LTBP1: variants seen among roughly 807,000 people sequenced by gnomAD.
The protein encoded by LTBP1 is latent transforming growth factor beta binding protein 1.
In LTBP1, 129 loss-of-function variants were observed where a neutral mutation model predicts 207.6. The ratio of observed to expected loss-of-function variants is 0.62; its 90% confidence interval spans 0.54 to 0.72. The LOEUF (loss-of-function observed/expected upper bound fraction) is 0.72, where lower values mean the gene tolerates loss of function less well. LTBP1 is among the 30% of genes least tolerant of loss of function. LTBP1 has a pLI of 0.00. For missense variants in LTBP1, 2,281 were observed against 2,217.2 expected (o/e 1.03, Z -0.58); for synonymous variants, 963 against 833.7 (o/e 1.16, Z -2.67).
At chr2:33,346,933 G>T (rs1289868460) in intron 25 of LTBP1, among the ~76,000 whole-genome samples, 2 of 151,912 alleles carry the variant, frequency 1.3e-5, no homozygotes, top group Non-Finnish European at 2.9e-5. Context: ...TGCCTAACAC[G>T]GTGGAACCCC....
chr2:33,179,084 G>T (rs2086359701), intron 5 of LTBP1, among the ~76,000 whole-genome samples: 1 of 152,128 alleles, frequency 6.6e-6, no homozygotes, highest in Non-Finnish European at 1.5e-5. Flanking sequence ...TCACCTCTTT[G>T]TCTAGAGCAA....
At chr2:33,264,542 T>C (rs1328659418) in intron 15 of LTBP1, among the ~76,000 whole-genome samples, 1 of 152,048 alleles carries the variant, frequency 6.6e-6, no homozygotes, top group African/African-American at 2.4e-5. Flanking sequence ...TATAAATCAA[T>C]AGGAAAAATA....
chr2:33,158,464 A>G (rs1401558511), intron 5 of LTBP1, among the ~76,000 whole-genome samples: 13 of 152,126 alleles, frequency 8.5e-5, no homozygotes, highest in Non-Finnish European at 2.9e-5. Context: ...GTTCTGTGCC[A>G]CTTTTTGGAA....
chr2:33,095,372 A>G (rs1289748957), intron 3 of LTBP1, among the ~76,000 whole-genome samples: 1 of 152,222 alleles, frequency 6.6e-6, no homozygotes, highest in South Asian at 2.1e-4. Context: ...GGGAGACTCC[A>G]AAGTTCCTAG....
At chr2:33,010,882 G>A (rs1687588867) in intron 2 of LTBP1, among the ~76,000 whole-genome samples, 1 of 151,858 alleles carries the variant, frequency 6.6e-6, no homozygotes, top group South Asian at 2.1e-4. Context: ...ACCACACCCA[G>A]CTAATTTTTG....
At chr2:33,394,639 G>T (rs1423845828) in intron 32 of LTBP1, among the ~76,000 whole-genome samples, 1 of 152,064 alleles carries the variant, frequency 6.6e-6, no homozygotes, top group Non-Finnish European at 1.5e-5. Context: ...ATTTCTGAGG[G>T]CTCTGTTCCG....
intron 5 of LTBP1, among the ~76,000 whole-genome samples, chr2:33,163,919 T>G (rs1407171814): frequency 6.6e-6 from 1 of 152,182 alleles, no homozygotes; most frequent in Admixed American, 6.5e-5. Context: ...TTTATCATAG[T>G]GCTCTATCCA....
At chr2:33,352,363 C>G (rs1284819310) in intron 26 of LTBP1, among the ~76,000 whole-genome samples, 1 of 152,100 alleles carries the variant, frequency 6.6e-6, no homozygotes, top group Non-Finnish European at 1.5e-5. Context: ...AACTCCTGAC[C>G]TTGTGATCCA....
intron 2 of LTBP1, among the ~76,000 whole-genome samples, chr2:32,953,108 C>T (rs1677440404): frequency 6.6e-6 from 1 of 152,222 alleles, no homozygotes; most frequent in African/African-American, 2.4e-5. Flanking sequence ...TTTCCATTGG[C>T]ATTCAGCCCA....
At chr2:32,968,917 A>ATT (rs61065758) in intron 2 of LTBP1, among the ~76,000 whole-genome samples, 8,496 of 107,268 alleles carry the variant, frequency 0.079, 636 homozygotes, top group African/African-American at 0.16. Context: ...GTGTGTGTGT[A>ATT]TTTTTTTTTT....
rs1051586399 is a variant in LTBP1, at chr2:33,252,717, C to T, written c.2040C>T (p.Tyr680=). 8.1e-6 allele frequency: 13 copies of T among 1,613,402 alleles called. No individual in the cohort carries two copies. Among genetic ancestry groups the T allele is most frequent in the African/African-American group, 1.3e-5 (1 of 74,908 alleles). ...PVISEEKGPC[Y]RLVSSGRQCM... is the part of the protein sequence containing the mutation. ...TCTCGGAAGAGAAAGGGCCCTGTTA[C>T]CGACTTGTCAGTTCTGGAAGACAGT... Residue 680 remains tyrosine (Y), a synonymous_variant, in exon 11 of 34, where the codon TAC becomes TAT. Coordinates refer to ENST00000404816, the MANE Select transcript of LTBP1 (RefSeq NM_206943.4).
chr2:33,296,019 T>C (rs891183614), intron 20 of LTBP1, among the ~76,000 whole-genome samples: 1 of 152,144 alleles, frequency 6.6e-6, no homozygotes. Flanking sequence ...TTGGCTCACA[T>C]CCACAGTTTC....
chr2:33,246,252 A>G (rs142205710), intron 10 of LTBP1, among the ~76,000 whole-genome samples: 2 of 152,268 alleles, frequency 1.3e-5, no homozygotes, highest in East Asian at 3.9e-4. Flanking sequence ...ACCACATGTA[A>G]CATCACAGAG....
intron 2 of LTBP1, among the ~76,000 whole-genome samples, chr2:32,958,539 C>T (rs219436): frequency 0.72 from 109,868 of 152,090 alleles, 40,535 homozygotes; most frequent in Non-Finnish European, 0.79. Context: ...CCTTCATCAG[C>T]GTTGAGCTCC....
intron 2 of LTBP1, among the ~76,000 whole-genome samples, chr2:32,967,373 G>T (rs1358152809): frequency 6.6e-6 from 1 of 151,628 alleles, no homozygotes; most frequent in Non-Finnish European, 1.5e-5. Flanking sequence ...GATTTAATTT[G>T]CTGCTCTTTT....
At chr2:33,039,990 A>G (rs1573245623) in intron 3 of LTBP1, among the ~76,000 whole-genome samples, 1 of 152,134 alleles carries the variant, frequency 6.6e-6, no homozygotes, top group African/African-American at 2.4e-5. Flanking sequence ...GGGAGGAATC[A>G]AGGAGCAGCC....
chr2:33,188,444 A>AAAAAAAAAAAATTTT, intron 6 of LTBP1, 133 bp from the exon 7 acceptor site: 2 of 609,942 alleles, frequency 3.3e-6, no homozygotes, highest in East Asian at 3.0e-5. Context: ...AAAAAAAAAA[A>AAAAAAAAAAAATTTT]GAATTTTGAT....
At chr2:32,975,948 T>G (rs751590333) in intron 2 of LTBP1, among the ~76,000 whole-genome samples, 5 of 152,178 alleles carry the variant, frequency 3.3e-5, no homozygotes, top group Non-Finnish European at 7.3e-5. Flanking sequence ...GGGGAACTTG[T>G]GTGGTTGTTT....
Position 33,134,792 on chromosome 2 carries a change from G to T in LTBP1, c.1034-1G>T, listed in dbSNP as rs754134480. On this transcript the variant is annotated splice_acceptor_variant, in intron 4 of 33. Coordinates refer to ENST00000404816, the MANE Select transcript of LTBP1 (RefSeq NM_206943.4). LOFTEE classifies it high-confidence loss of function. This position sits in a 1 kb window ranked among gnomAD's most constrained non-coding sequence, Gnocchi z 4.4. ...CTTTTTCTCCCTGCCTCCGCTCCTA[G>T]TGAGTAACCACACTGGCCGCATCAA... is the stretch of plus-strand genomic sequence containing the variant. 4 of 1,613,840 alleles carry T rather than the reference G, an allele frequency of 2.5e-6. No individual in the cohort carries two copies. In the African/African-American group the frequency reaches 4.0e-5, roughly 16 times the overall value.
Sources: gnomAD v4.1 joint callset for allele counts (sites outside exome capture counted in the v4.1 genomes callset) on GRCh38, gnomAD v4.1.1 for gene constraint, Gnocchi (gnomAD v3.1) non-coding constraint, MANE v1.5 for transcripts, NCBI Gene and HGNC (gene_info 2026-07-23, HGNC 2026-07-21) for gene names.